The following NCSTN variants were observed in gnomAD, a reference collection of about 807,000 sequenced individuals.
The protein encoded by NCSTN is anterior pharynx-defective 2.
NCSTN carries 22 observed loss-of-function variants against 87.0 expected under a neutral mutation model. The ratio of observed to expected loss-of-function variants is 0.25; its 90% confidence interval spans 0.18 to 0.36. The LOEUF (loss-of-function observed/expected upper bound fraction) is 0.36, where lower values mean the gene tolerates loss of function less well. Among genes scored for constraint, NCSTN ranks in the 10% least tolerant of loss-of-function variants. The pLI is 1.00. For missense variants in NCSTN, 693 were observed against 883.3 expected, an observed-to-expected ratio of 0.78 and a Z score of 2.73; for synonymous variants, 306 against 327.1, an observed-to-expected ratio of 0.94 and a Z score of 0.69.
chr1:160,345,031 G>T (rs1272658525), intron 2 of NCSTN: 7 of 631,986 alleles, frequency 1.1e-5, no homozygotes, highest in South Asian at 1.8e-5. Flanking sequence ...TTTTACATGT[G>T]CATCTCATAC....
chr1:160,357,652 T>G (rs1213835908), intron 16 of NCSTN, among the ~76,000 whole-genome samples: 1 of 152,224 alleles, frequency 6.6e-6, no homozygotes, highest in Non-Finnish European at 1.5e-5. Context: ...GTGATCCACC[T>G]TTCTTGGCCT....
intron 7 of NCSTN, 69 bp downstream of exon 7, chr1:160,351,874 A>G (rs1648867395): frequency 4.7e-6 from 7 of 1,475,896 alleles, no homozygotes; most frequent in South Asian, 1.1e-5. Flanking sequence ...CCGCTCTAGC[A>G]TATCAGATTT....
At position 160,352,084 on chromosome 1, in the gene NCSTN, G is replaced by T; in HGVS notation, c.874G>T (p.Ala292Ser). ...LDSRSFFWNVAPGAESAVASF... is the reference protein window; with the variant it reads ...LDSRSFFWNVSPGAESAVASF... ...TAGTCGTTCCTTTTTCTGGAATGTGGCCCCAGGGGCTGAAAGCGCAGTGGC... is the reference window on the plus strand; with the variant it reads ...TAGTCGTTCCTTTTTCTGGAATGTGTCCCCAGGGGCTGAAAGCGCAGTGGC... Residue 292 changes from alanine (A) to serine (S), a missense_variant, in exon 8 of 17, where the codon GCC becomes TCC. By Grantham distance (99) the Ala-to-Ser change is moderately conservative. Around this residue, in one of 4 missense-constraint regions of NCSTN, gnomAD observed 134 missense variants for 226.0 expected, o/e 0.59. Coordinates refer to ENST00000294785, the MANE Select transcript of NCSTN (RefSeq NM_015331.3). 1 of 1,614,206 alleles carries T rather than the reference G, an allele frequency of 6.2e-7. No homozygotes were observed. Among genetic ancestry groups the T allele is most frequent in the Non-Finnish European group, 8.5e-7 (1 of 1,180,042 alleles).
intron 2 of NCSTN, among the ~76,000 whole-genome samples, chr1:160,346,455 G>T (rs190993144): frequency 2.0e-4 from 31 of 152,300 alleles, no homozygotes; most frequent in Admixed American, 5.9e-4. Flanking sequence ...GAGAAGTGAA[G>T]GACTTGTTCG....
intron 16 of NCSTN, among the ~76,000 whole-genome samples, 191 bp downstream of exon 16, chr1:160,357,444 G>A (rs542858568): frequency 6.6e-6 from 1 of 152,234 alleles, no homozygotes; most frequent in African/African-American, 2.4e-5. Flanking sequence ...CATTCTTGTT[G>A]CTCAAGCTGG....
chr1:160,344,351 G>A (rs997043427), intron 1 of NCSTN: 3 of 934,188 alleles, frequency 3.2e-6, no homozygotes, highest in Non-Finnish European at 4.6e-6. Flanking sequence ...CCCAGCACCT[G>A]TGTATTAACC....
rs973285296 is a variant in NCSTN at position 160,356,594 on chromosome 1, A to T, written c.1640-6A>T. On this transcript the variant is annotated splice_polypyrimidine_tract_variant and splice_region_variant and intron_variant, in intron 14 of 16. Coordinates refer to ENST00000294785, the MANE Select transcript of NCSTN (RefSeq NM_015331.3). ...AAATCTTCCCTTCCCTTTGGTCTGC[A>T]CTCAGGTGACGGGCCTCTTCAACAT... is the stretch of plus-strand genomic sequence containing the variant. The T allele has an allele frequency of 6.2e-7, 1 of 1,613,808 alleles. No individual in the cohort carries two copies. Among genetic ancestry groups the T allele is most frequent in the Non-Finnish European group, 8.5e-7 (1 of 1,179,994 alleles).
Position 160,343,454 on chromosome 1 carries a change from C to T in NCSTN, c.58C>T (p.Leu20Phe), listed in dbSNP as rs1285710472. The T allele has an allele frequency of 6.2e-7, 1 of 1,611,534 alleles. No homozygotes were observed. Among genetic ancestry groups the T allele is most frequent in the Non-Finnish European group, 8.5e-7 (1 of 1,179,254 alleles). Residue 20 changes from leucine to phenylalanine, a missense_variant, in exon 1 of 17, where the codon CTT (leucine) becomes TTT (phenylalanine). Transcript: ENST00000294785. ...CCCGGGAAGTCGGGGTCTCCTTCGCCTTCTGTCTTTCTGCGTCCTACTAGC... is the reference window on the plus strand; with the variant it reads ...CCCGGGAAGTCGGGGTCTCCTTCGCTTTCTGTCTTTCTGCGTCCTACTAGC... ...ADPGSRGLLR[L>F]LSFCVLLAGL...
At chr1:160,346,282 A>T (rs1355968926) in intron 2 of NCSTN, among the ~76,000 whole-genome samples, 1 of 152,222 alleles carries the variant, frequency 6.6e-6, no homozygotes, top group African/African-American at 2.4e-5. Flanking sequence ...TCTGAATTTC[A>T]GTTTACCCCT....
intron 4 of NCSTN, 64 bp from the exon 5 acceptor site, chr1:160,350,041 A>G: frequency 6.4e-7 from 1 of 1,567,604 alleles, no homozygotes; most frequent in Non-Finnish European, 8.8e-7. Flanking sequence ...TTCTGCCGTC[A>G]CCTGGTTCCT....
At chr1:160,351,552 G>A in intron 6 of NCSTN, 144 bp from the exon 7 acceptor site, 1 of 1,240,278 alleles carries the variant, frequency 8.1e-7, no homozygotes, top group Non-Finnish European at 1.2e-6. Context: ...AGTGGATAGT[G>A]GCAGAGAAGC....
At chr1:160,344,562 A>G in intron 1 of NCSTN, 160 bp from the exon 2 acceptor site, 1 of 1,551,294 alleles carries the variant, frequency 6.4e-7, no homozygotes, top group Non-Finnish European at 8.7e-7. Flanking sequence ...ATCTGTTACG[A>G]TAAGTGTGTG....
chr1:160,348,827 T>A (rs534797771), intron 2 of NCSTN, among the ~76,000 whole-genome samples, 172 bp from the exon 3 acceptor site: 24 of 152,348 alleles, frequency 1.6e-4, no homozygotes, highest in African/African-American at 5.8e-4. Context: ...TCCCTCCTGA[T>A]AACCTTCAGA....
Position 160,344,825 on chromosome 1 carries a change from G to C in NCSTN, c.189G>C (p.Gln63His), listed in dbSNP as rs758385478. The C allele has an allele frequency of 1.2e-6, 2 of 1,612,302 alleles. No individual in the cohort carries two copies. The highest frequency in any genetic ancestry group is 1.7e-6 in the Non-Finnish European group (2 of 1,178,410). ...LLNATHQIGC[Q>H]SSISGDTGVI... ...ACGCCACTCATCAGATTGGCTGCCAGTGTGAGTTGAGATGGATTCATGTTT... is the reference window on the plus strand; with the variant it reads ...ACGCCACTCATCAGATTGGCTGCCACTGTGAGTTGAGATGGATTCATGTTT... Residue 63 changes from glutamine to histidine, a missense_variant and splice_region_variant, in exon 2 of 17, where the codon CAG (glutamine) becomes CAC (histidine). Coordinates refer to ENST00000294785, the MANE Select transcript of NCSTN (RefSeq NM_015331.3).
At chr1:160,348,961 C>G (rs367786783) in intron 2 of NCSTN, 38 bp from the exon 3 acceptor site, 33 of 1,613,792 alleles carry the variant, frequency 2.0e-5, no homozygotes, top group Admixed American at 8.3e-5. Flanking sequence ...GAATTGTTAA[C>G]TATGGGAGCT....
Position 160,349,651 on chromosome 1 carries a change from G to A in NCSTN, c.417G>A (p.Gln139=). 1 of 1,614,048 alleles carries A rather than the reference G, an allele frequency of 6.2e-7. No individual in the cohort carries two copies. Among genetic ancestry groups the A allele is most frequent in the Non-Finnish European group, 8.5e-7 (1 of 1,180,024 alleles). ...SPASGFSPSV[Q]CPNDGFGVYS... ...CCTCAGGCTTCTCTCCTAGTGTACA[G>A]TGCCCAAATGATGGGTTTGGTAAGT... Residue 139 remains glutamine, a synonymous_variant, in exon 4 of 17, where the codon CAG becomes CAA. Coordinates refer to ENST00000294785, the MANE Select transcript of NCSTN (RefSeq NM_015331.3).
chr1:160,356,068 G>T (rs1161866491), intron 13 of NCSTN, 110 bp downstream of exon 13: 1 of 1,153,838 alleles, frequency 8.7e-7, no homozygotes, highest in African/African-American at 1.5e-5. Flanking sequence ...GTTGATGCCG[G>T]TGAGAATGCC....
At chr1:160,351,999 G>GT in intron 7 of NCSTN, 55 bp from the exon 8 acceptor site, 11 of 1,599,886 alleles carry the variant, frequency 6.9e-6, no homozygotes, top group Non-Finnish European at 9.4e-6. Flanking sequence ...AAGAAAGGAG[G>GT]TTTGGGGCCA....
rs777729033 is a variant in NCSTN, at chr1:160,356,581, C to A, written c.1640-19C>A. 6.2e-6 allele frequency: 10 copies of A among 1,614,048 alleles called. No homozygotes were observed. The South Asian group carries it at 9.9e-5, about 16-fold the overall frequency. On this transcript the variant is annotated intron_variant, in intron 14 of 16. Coordinates refer to ENST00000294785, the MANE Select transcript of NCSTN (RefSeq NM_015331.3). ...CCATCCACCCACCAAATCTTCCCTT[C>A]CCTTTGGTCTGCACTCAGGTGACGG...
Sources: allele counts gnomAD v4.1 joint callset (sites outside exome capture counted in the v4.1 genomes callset), GRCh38; gene constraint gnomAD v4.1.1; regional missense constraint gnomAD v4.1.1; transcripts MANE v1.5; gene names NCBI Gene and HGNC (gene_info 2026-07-23, HGNC 2026-07-21).